The following GPC6 variants were observed in gnomAD, a reference collection of about 807,000 sequenced individuals.
GPC6 encodes the protein glypican 6.
Under a neutral mutation model 55.2 loss-of-function variants are expected in GPC6, and 14 were observed. That is an observed-to-expected ratio of 0.25 (90% CI 0.17 to 0.40). The LOEUF (loss-of-function observed/expected upper bound fraction) is 0.40. Among genes scored for constraint, GPC6 ranks in the 10% least tolerant of loss-of-function variants. The probability of loss-of-function intolerance (pLI) is 1.00; values close to 1 mark genes in which losing one functional copy is unlikely to be tolerated. For synonymous variants in GPC6, 278 were observed against 259.6 expected (o/e 1.07, Z -0.68); for missense variants, 641 against 708.5 (o/e 0.90, Z 1.08).
intron 1 of GPC6, among the ~76,000 whole-genome samples, chr13:93,342,420 G>A (rs1228140910): frequency 6.6e-6 from 1 of 152,176 alleles, no homozygotes; most frequent in Non-Finnish European, 1.5e-5. Context: ...AGGCAAGAGA[G>A]TGTATGCAGG....
Position 93,830,471 on chromosome 13 carries a change from C to G in GPC6, c.637C>G (p.Arg213Gly). Residue 213 changes from arginine to glycine, a missense_variant, in exon 3 of 9, where the codon CGC (arginine) becomes GGC (glycine). Arg to Gly is a moderately radical substitution (Grantham distance 125). Transcript: ENST00000377047. ...VPRKLKIQVT[R>G]AFIAARTFVQ... ...CCGGAAACTGAAGATTCAGGTTACC[C>G]GCGCCTTCATTGCTGCCAGGACCTT... is the stretch of plus-strand genomic sequence containing the variant. 3.7e-6 allele frequency: 6 copies of G among 1,613,596 alleles called. No individual in the cohort carries two copies. Among genetic ancestry groups the G allele is most frequent in the Non-Finnish European group, 5.1e-6 (6 of 1,179,654 alleles).
chr13:93,592,162 T>G (rs1013996185), intron 2 of GPC6, among the ~76,000 whole-genome samples: 3 of 151,658 alleles, frequency 2.0e-5, no homozygotes, highest in African/African-American at 7.3e-5. Context: ...TAAAATTAAT[T>G]GAATTCAAAA....
intron 1 of GPC6, among the ~76,000 whole-genome samples, chr13:93,297,236 C>A (rs760977424): frequency 7.2e-5 from 11 of 152,078 alleles, no homozygotes; most frequent in Non-Finnish European, 1.3e-4. Context: ...AGTTCAAGAC[C>A]AGCCTTGGCA....
At chr13:94,155,007 G>A (rs572745609) in intron 4 of GPC6, among the ~76,000 whole-genome samples, 39 of 152,178 alleles carry the variant, frequency 2.6e-4, no homozygotes, top group Non-Finnish European at 4.1e-4. Flanking sequence ...TCCCTTGAGC[G>A]CTGGTGTCCC....
At chr13:94,279,375 T>G (rs1329297475) in intron 4 of GPC6, among the ~76,000 whole-genome samples, 13 of 90,770 alleles carry the variant, frequency 1.4e-4, no homozygotes, top group Admixed American at 8.7e-4. Flanking sequence ...TTGATCTTTT[T>G]CAAAAAAAAA....
chr13:94,069,957 C>T (rs1460908946), intron 4 of GPC6, among the ~76,000 whole-genome samples: 2 of 152,174 alleles, frequency 1.3e-5, no homozygotes, highest in Non-Finnish European at 2.9e-5. Context: ...AAGTTGCTTC[C>T]ACATTTTTGG....
chr13:93,497,657 C>G (rs568119941), intron 1 of GPC6, among the ~76,000 whole-genome samples: 17 of 152,288 alleles, frequency 1.1e-4, no homozygotes, highest in African/African-American at 4.1e-4. Flanking sequence ...AGCTGAAGGA[C>G]AATTGATAAC....
chr13:93,894,724 A>G (rs1404583659), intron 3 of GPC6, among the ~76,000 whole-genome samples: 2 of 152,056 alleles, frequency 1.3e-5, no homozygotes, highest in Non-Finnish European at 2.9e-5. Flanking sequence ...AATCAAATTC[A>G]TTGCAGTTTC....
At chr13:94,188,828 C>T (rs1180969369) in intron 4 of GPC6, among the ~76,000 whole-genome samples, 1 of 152,188 alleles carries the variant, frequency 6.6e-6, no homozygotes, top group Non-Finnish European at 1.5e-5. Flanking sequence ...GAGACTGAGA[C>T]TCAAGCTGCT....
intron 1 of GPC6, among the ~76,000 whole-genome samples, chr13:93,309,593 A>T (rs80232424): frequency 0.019 from 2,926 of 152,308 alleles, 85 homozygotes; most frequent in African/African-American, 0.067. Flanking sequence ...AAGTATATAC[A>T]CTTTAGTATA....
intron 1 of GPC6, among the ~76,000 whole-genome samples, chr13:93,231,535 C>T (rs1229748349): frequency 1.3e-5 from 2 of 150,812 alleles, no homozygotes; most frequent in Non-Finnish European, 3.0e-5. Flanking sequence ...CTCTAATTCT[C>T]AATATCACTT....
intron 1 of GPC6, among the ~76,000 whole-genome samples, chr13:93,337,802 T>G (rs1880101031): frequency 6.6e-6 from 1 of 152,210 alleles, no homozygotes. Flanking sequence ...ACTACCCTTC[T>G]GGTTATGTTT....
At chr13:94,280,290 T>A (rs1158015690) in intron 4 of GPC6, among the ~76,000 whole-genome samples, 4 of 152,144 alleles carry the variant, frequency 2.6e-5, no homozygotes, top group African/African-American at 7.2e-5. Context: ...AATAAAAATG[T>A]TTTAATGCTC....
chr13:93,375,314 G>A (rs1874839054), intron 1 of GPC6, among the ~76,000 whole-genome samples: 2 of 152,146 alleles, frequency 1.3e-5, no homozygotes, highest in Non-Finnish European at 2.9e-5. Flanking sequence ...GCCAAGCGAG[G>A]GAGAGAGATT....
chr13:93,336,998 T>C (rs1880070078), intron 1 of GPC6, among the ~76,000 whole-genome samples: 1 of 152,230 alleles, frequency 6.6e-6, no homozygotes, highest in African/African-American at 2.4e-5. Flanking sequence ...TGTTAACTTT[T>C]ATTTTAATGA....
At chr13:94,235,149 T>C (rs1890843307) in intron 4 of GPC6, among the ~76,000 whole-genome samples, 1 of 152,094 alleles carries the variant, frequency 6.6e-6, no homozygotes, top group African/African-American at 2.4e-5. Context: ...TGATAAATCC[T>C]CAGGATACCT....
chr13:93,457,837 A>C (rs77889053), intron 1 of GPC6, among the ~76,000 whole-genome samples: 5,875 of 152,272 alleles, frequency 0.039, 159 homozygotes, highest in South Asian at 0.064. Flanking sequence ...CAATATTAAA[A>C]AAAAAAGAAA....
intron 5 of GPC6, among the ~76,000 whole-genome samples, chr13:94,299,861 T>G (rs1337720694): frequency 6.6e-6 from 1 of 152,196 alleles, no homozygotes; most frequent in African/African-American, 2.4e-5. Flanking sequence ...TCCACACTAA[T>G]GAAGATACGA....
At chr13:93,971,032 A>G (rs184211290) in intron 3 of GPC6, among the ~76,000 whole-genome samples, 1 of 152,350 alleles carries the variant, frequency 6.6e-6, no homozygotes, top group Admixed American at 6.5e-5. Flanking sequence ...ATTTCTCATA[A>G]GGCAACTTCT....
Sources: gnomAD v4.1 joint callset for allele counts (sites outside exome capture counted in the v4.1 genomes callset) on GRCh38, gnomAD v4.1.1 for gene constraint, MANE v1.5 for transcripts, NCBI Gene and HGNC (gene_info 2026-07-23, HGNC 2026-07-21) for gene names.